The following RUBCNL variants were observed in gnomAD, a reference collection of about 807,000 sequenced individuals.
RUBCNL encodes rubicon like autophagy enhancer, also known as protein associated with UVRAG as autophagy enhancer.
Under a neutral mutation model 69.5 loss-of-function variants are expected in RUBCNL, and 62 were observed. That is an observed-to-expected ratio of 0.89 (90% CI 0.73 to 1.10). RUBCNL has a LOEUF of 1.10. Ranked by LOEUF, RUBCNL falls within the 50% of genes least tolerant of loss-of-function variation. The probability of loss-of-function intolerance (pLI) is 0.00; values close to 1 mark genes in which losing one functional copy is unlikely to be tolerated. For missense variants in RUBCNL, 768 were observed against 798.1 expected (o/e 0.96, Z 0.45); for synonymous variants, 291 against 303.6 (o/e 0.96, Z 0.43).
Position 46,338,009 on chromosome 13 carries a change from C to G in RUBCNL, c.*5376G>C, listed in dbSNP as rs1350583957. ...CTGCCAAAAGTTCAGAGAGCTGTCC[C>G]CAGTAGAATAATGAGGTAAATGCAG... On this transcript the variant is annotated 3_prime_UTR_variant, in exon 15 of 15. Coordinates refer to ENST00000429979, the MANE Select transcript of RUBCNL (RefSeq NM_025113.5). Among the ~76,000 whole-genome samples the G allele has an allele frequency of 6.6e-6, 1 of 151,998 alleles. No homozygotes were observed. Among genetic ancestry groups the G allele is most frequent in the Non-Finnish European group, 1.5e-5 (1 of 68,008 alleles).
intron 4 of RUBCNL, 181 bp from the exon 5 acceptor site, chr13:46,368,430 T>C (rs1297419731): frequency 1.0e-6 from 1 of 984,136 alleles, no homozygotes. Flanking sequence ...TCCAGAGACA[T>C]AGATTCGGCT....
At chr13:46,387,754 A>C, upstream of RUBCNL, 1 of 985,536 alleles carries the variant, frequency 1.0e-6, no homozygotes, top group Non-Finnish European at 1.2e-6. Flanking sequence ...GTAGCACTTC[A>C]CTGTCCGCGT....
rs1371132618 is a variant in RUBCNL, at chr13:46,341,494, T to C, written c.*1891A>G. Among the ~76,000 whole-genome samples the C allele has an allele frequency of 6.6e-6, 1 of 152,176 alleles. No individual in the cohort carries two copies. Among genetic ancestry groups the C allele is most frequent in the Non-Finnish European group, 1.5e-5 (1 of 68,040 alleles). On this transcript the variant is annotated 3_prime_UTR_variant, in exon 15 of 15. Transcript: ENST00000429979. ...GCAGTTATTTAAATGACCTCATTCT[T>C]CCTCAAAATAGAAAATCAAAAGCAT...
At chr13:46,379,623 C>T (rs1012099935) in intron 1 of RUBCNL, among the ~76,000 whole-genome samples, 5 of 152,110 alleles carry the variant, frequency 3.3e-5, no homozygotes, top group Admixed American at 2.0e-4. Flanking sequence ...TCAACCACTT[C>T]CTTAGAATAA....
At chr13:46,388,747 C>G (rs1395055547), upstream of RUBCNL, among the ~76,000 whole-genome samples, 1 of 152,182 alleles carries the variant, frequency 6.6e-6, no homozygotes, top group East Asian at 1.9e-4. Context: ...TGGCTTTGTC[C>G]TTTGTCATTT....
chr13:46,388,199 C>CAAAAAAAAAAAAAAA (rs71074779), upstream of RUBCNL, among the ~76,000 whole-genome samples: 4 of 68,202 alleles, frequency 5.9e-5, no homozygotes, highest in African/African-American at 2.6e-4. Context: ...GCAAGACTGT[C>CAAAAAAAAAAAAAAA]AAAAAAAAAA....
rs2048453736 is a variant in RUBCNL, at chr13:46,355,037, T to G, written c.1330+1395A>C. ...CAAAGAAAATCAGCAACAATGGTGA[T>G]GCCCGTCAGGCATTATCATCCAGTG... On this transcript the variant is annotated intron_variant, in intron 10 of 14. Transcript: ENST00000429979. Among the ~76,000 whole-genome samples the G allele has an allele frequency of 2.6e-5, 4 of 152,254 alleles. No individual in the cohort carries two copies. The South Asian group carries it at 8.3e-4, about 31-fold the overall frequency.
chr13:46,353,188 ACT>A (rs1373695459), intron 10 of RUBCNL, among the ~76,000 whole-genome samples: 1 of 152,142 alleles, frequency 6.6e-6, no homozygotes. Flanking sequence ...CCCAGGTCAC[ACT>A]CTGAGTTGAT....
intron 1 of RUBCNL, among the ~76,000 whole-genome samples, chr13:46,380,392 A>T (rs2049092827): frequency 6.6e-6 from 1 of 152,222 alleles, no homozygotes; most frequent in Admixed American, 6.5e-5. Flanking sequence ...TGAAATGGAG[A>T]CCATTAGGGG....
At chr13:46,363,299 G>A in intron 5 of RUBCNL, 86 bp from the exon 6 acceptor site, 2 of 530,736 alleles carry the variant, frequency 3.8e-6, no homozygotes, top group South Asian at 3.3e-5. Context: ...AATAGAAATT[G>A]GGAAATGAAG....
At position 46,337,220 on chromosome 13, in the gene RUBCNL, G is replaced by A. The variant is rs1351291538; in HGVS notation, c.*6165C>T. Among the ~76,000 whole-genome samples the A allele has an allele frequency of 6.6e-6, 1 of 152,030 alleles. No individual in the cohort carries two copies. Among genetic ancestry groups the A allele is most frequent in the Non-Finnish European group, 1.5e-5 (1 of 68,012 alleles). ...TACAGTGGCGTGATCTCAGCTCACCGCAACCTTCAACTCCCTGGTTCAAGC... is the reference window on the plus strand; with the variant it reads ...TACAGTGGCGTGATCTCAGCTCACCACAACCTTCAACTCCCTGGTTCAAGC... On this transcript the variant is annotated 3_prime_UTR_variant, in exon 15 of 15. Transcript: ENST00000429979.
In RUBCNL at chr13:46,375,784, T is replaced by C. The variant is rs1283350764; in HGVS notation, c.-123+2106A>G. Among the ~76,000 whole-genome samples, 3 of 152,182 alleles carry C rather than the reference T, an allele frequency of 2.0e-5. No individual in the cohort carries two copies. The East Asian group carries it at 5.8e-4, about 29-fold the overall frequency. On this transcript the variant is annotated intron_variant, in intron 2 of 14. Transcript: ENST00000429979. ...GCCCTATATTTTAGTTTATACCTTC[T>C]GGAGTAATAAGGATTATAATTTATA...
chr13:46,347,394 T>C (rs2048269476), intron 12 of RUBCNL, among the ~76,000 whole-genome samples: 1 of 152,104 alleles, frequency 6.6e-6, no homozygotes, highest in Non-Finnish European at 1.5e-5. Flanking sequence ...GTGACAGAGC[T>C]AGACTCTGTC....
chr13:46,350,346 C>A lies in RUBCNL; in HGVS notation c.1336G>T (p.Val446Leu). 1 of 1,535,046 alleles carries A rather than the reference C, an allele frequency of 6.5e-7. No homozygotes were observed. The change falls in exon 11 of 15, where the codon GTG becomes TTG. Residue 446 changes from valine (V) to leucine (L), a missense_variant. Coordinates refer to ENST00000429979, the MANE Select transcript of RUBCNL (RefSeq NM_025113.5). ...TATTCGCAGTACCGGAGCCGCTTCA[C>A]AAACTCTGCCAAGCATACCGGAGGG... ...GCGTPVEPKF[V>L]KRLRYCEYLG... is the part of the protein sequence containing the mutation.
At chr13:46,376,471 G>T (rs2048997103) in intron 2 of RUBCNL, among the ~76,000 whole-genome samples, 1 of 152,134 alleles carries the variant, frequency 6.6e-6, no homozygotes, top group African/African-American at 2.4e-5. Flanking sequence ...ACAGCTGGTT[G>T]TGTTAACCGC....
At chr13:46,352,462 C>T (rs568056769) in intron 10 of RUBCNL, among the ~76,000 whole-genome samples, 2 of 152,248 alleles carry the variant, frequency 1.3e-5, no homozygotes, top group South Asian at 2.1e-4. Flanking sequence ...GCTGTAGAAC[C>T]CGTACACTGT....
At chr13:46,371,827 T>G in intron 3 of RUBCNL, 114 bp downstream of exon 3, 1 of 1,084,722 alleles carries the variant, frequency 9.2e-7, no homozygotes, top group African/African-American at 1.6e-5. Flanking sequence ...CTGCTGACAA[T>G]ATTAGATGAG....
rs1157023910 is a variant in RUBCNL, at chr13:46,337,691, C to T, written c.*5694G>A. On this transcript the variant is annotated 3_prime_UTR_variant, in exon 15 of 15. Coordinates refer to ENST00000429979, the MANE Select transcript of RUBCNL (RefSeq NM_025113.5). ...AACCTGTTCCCTCAGTACTCATCCC[C>T]TGGACAACAGGTATCAGGACATCTT... Among the ~76,000 whole-genome samples, 3 of 152,312 alleles carry T rather than the reference C, an allele frequency of 2.0e-5. No homozygotes were observed. Among genetic ancestry groups the T allele is most frequent in the African/African-American group, 7.2e-5 (3 of 41,558 alleles).
At chr13:46,349,628 C>T (rs919942495) in intron 11 of RUBCNL, among the ~76,000 whole-genome samples, 1 of 151,632 alleles carries the variant, frequency 6.6e-6, no homozygotes, top group African/African-American at 2.4e-5. Flanking sequence ...AGTGTGGGGC[C>T]TTGGAAAGAG....
Sources: gnomAD v4.1 joint callset for allele counts (sites outside exome capture counted in the v4.1 genomes callset) on GRCh38, gnomAD v4.1.1 for gene constraint, MANE v1.5 for transcripts, NCBI Gene and HGNC (gene_info 2026-07-23, HGNC 2026-07-21) for gene names.